The following GRAMD1A variants were observed in gnomAD, a reference collection of about 807,000 sequenced individuals.
The protein encoded by GRAMD1A is protein Aster-A.
Under a neutral mutation model 92.0 loss-of-function variants are expected in GRAMD1A, and 50 were observed. That is an observed-to-expected ratio of 0.54 (90% CI 0.43 to 0.69). GRAMD1A has a LOEUF of 0.69. GRAMD1A is among the 30% of genes least tolerant of loss of function. GRAMD1A has a pLI of 0.00. For synonymous variants in GRAMD1A, 405 were observed against 403.6 expected, an observed-to-expected ratio of 1.00 and a Z score of -0.04; for missense variants, 819 against 978.9, an observed-to-expected ratio of 0.84 and a Z score of 2.18.
upstream of GRAMD1A, among the ~76,000 whole-genome samples, chr19:34,995,570 G>GTTTTTTTTTTTTTTT (rs1173583059): frequency 1.1e-4 from 9 of 80,980 alleles, 3 homozygotes; most frequent in South Asian, 1.1e-3. Context: ...TCAGATCACG[G>GTTTTTTTTTTTTTTT]GTTTTTTTTT....
intron 10 of GRAMD1A, chr19:35,014,598 C>T (rs376632743): frequency 1.5e-5 from 9 of 591,626 alleles, no homozygotes; most frequent in South Asian, 2.0e-5. Context: ...CAGCTTGCCG[C>T]GGTTCACATC....
At chr19:35,024,303 T>C (rs2016288391) in intron 19 of GRAMD1A, among the ~76,000 whole-genome samples, 1 of 152,252 alleles carries the variant, frequency 6.6e-6, no homozygotes, top group Admixed American at 6.5e-5. Flanking sequence ...GGATGTGGGC[T>C]GGCTGTCCTG....
chr19:35,011,462 T>C lies in GRAMD1A; in HGVS notation c.526-12T>C, dbSNP rs372241421. 290 of 1,601,414 alleles carry C rather than the reference T, an allele frequency of 1.8e-4. 1 individual carries two copies. In the African/African-American group the frequency reaches 3.6e-3, roughly 20 times the overall value. On this transcript the variant is annotated splice_polypyrimidine_tract_variant and intron_variant, in intron 6 of 19. Coordinates refer to ENST00000317991, the MANE Select transcript of GRAMD1A (RefSeq NM_020895.5). ...ACCTGCTCACACCTCTCTCTCTCTC[T>C]CTCCCTGACAGCATTTCTTCACTTC...
intron 1 of GRAMD1A, chr19:35,005,959 A>G (rs944598425): frequency 2.2e-6 from 1 of 456,258 alleles, no homozygotes; most frequent in Non-Finnish European, 4.4e-6. Flanking sequence ...GAGTTGCCCC[A>G]GGTGGTGGAG....
Position 35,013,475 on chromosome 19 carries a change from G to C in GRAMD1A, c.720-66G>C. On this transcript the variant is annotated intron_variant, in intron 8 of 19. Coordinates refer to ENST00000317991, the MANE Select transcript of GRAMD1A (RefSeq NM_020895.5). The surrounding 1 kb of genome is among the most constrained non-coding windows in gnomAD (Gnocchi z 4.9). ...GCCTGAGATGGTTGTATGACGTCTG[G>C]AGGATTCAGGAGGGTGTATGGGGTC... is the stretch of plus-strand genomic sequence containing the variant. The C allele has an allele frequency of 6.4e-7, 1 of 1,553,100 alleles. No individual in the cohort carries two copies. The highest frequency in any genetic ancestry group is 8.8e-7 in the Non-Finnish European group (1 of 1,132,792).
intron 1 of GRAMD1A, chr19:35,002,295 C>T (rs978498807): frequency 6.6e-6 from 1 of 152,444 alleles, no homozygotes; most frequent in Non-Finnish European, 1.5e-5. Flanking sequence ...GATCCACGCC[C>T]TGCTCGGCTG....
intron 10 of GRAMD1A, chr19:35,015,615 G>C (rs1259351027): frequency 1.9e-6 from 1 of 533,176 alleles, no homozygotes; most frequent in Non-Finnish European, 3.3e-6. Context: ...CCAGAACCAA[G>C]CACAGTGGCT....
upstream of GRAMD1A, chr19:34,996,242 C>T (rs995118423): frequency 1.4e-5 from 22 of 1,535,542 alleles, no homozygotes; most frequent in South Asian, 2.4e-5. Flanking sequence ...AACCCCCCGA[C>T]GCCGGCAGCA....
chr19:35,002,775 C>T (rs1428670354), intron 1 of GRAMD1A: 1 of 152,486 alleles, frequency 6.6e-6, no homozygotes, highest in Non-Finnish European at 1.5e-5. Flanking sequence ...ACGGGAACAA[C>T]TCAGTGGGGA....
Position 35,014,254 on chromosome 19 carries a change from C to G in GRAMD1A, c.936C>G (p.Thr312=). ...ACGCCTCCTCCAGCCAGACAGTGAC[C>G]CCGGTGGCTGAACCCCCGAGCACAG... is the stretch of plus-strand genomic sequence containing the variant. ...QPDASSSQTV[T]PVAEPPSTEP... Residue 312 remains threonine, a synonymous_variant, in exon 10 of 20, where the codon ACC becomes ACG. Transcript: ENST00000317991. 3 of 1,614,140 alleles carry G rather than the reference C, an allele frequency of 1.9e-6. No homozygotes were observed. The highest frequency in any genetic ancestry group is 1.7e-6 in the Non-Finnish European group (2 of 1,179,994).
rs779578414 is a variant in GRAMD1A, at chr19:35,021,747, C to T, written c.1636C>T (p.Arg546Trp). 1.5e-5 allele frequency: 24 copies of T among 1,613,770 alleles called. No individual in the cohort carries two copies. The highest frequency in any genetic ancestry group is 1.6e-4 in the Middle Eastern group (1 of 6,062). ...LSLEEGGKDA[R>W]GLLSGLRRRK... is the part of the protein sequence containing the mutation. ...TCTGGAGGAAGGCGGGAAGGATGCC[C>T]GGGGCTTGCTATCCGGCCTGCGGCG... The change falls in exon 15 of 20, where the codon CGG becomes TGG. Residue 546 changes from arginine to tryptophan, a missense_variant. Arg to Trp is a moderately radical substitution (Grantham distance 101). This residue lies in a region of GRAMD1A where 577 missense variants were observed against 674.6 expected (regional missense o/e 0.86). Transcript: ENST00000317991. This position sits in a 1 kb window ranked among gnomAD's most constrained non-coding sequence, Gnocchi z 5.3.
intron 17 of GRAMD1A, 25 bp downstream of exon 17, chr19:35,022,936 C>A: frequency 1.4e-6 from 2 of 1,434,690 alleles, no homozygotes; most frequent in East Asian, 2.5e-5. Context: ...CCTCCCCCTG[C>A]CCTCCCCTCC....
chr19:35,011,303 G>C (rs2015218826), intron 6 of GRAMD1A, among the ~76,000 whole-genome samples, 171 bp from the exon 7 acceptor site: 1 of 152,150 alleles, frequency 6.6e-6, no homozygotes, highest in African/African-American at 2.4e-5. Flanking sequence ...GAATTGTCCA[G>C]GGCAGGGCCG....
chr19:35,021,995 C>G lies in GRAMD1A; in HGVS notation c.1798C>G (p.Pro600Ala), dbSNP rs2016096777. The G allele has an allele frequency of 1.2e-6, 2 of 1,614,108 alleles. No homozygotes were observed. The highest frequency in any genetic ancestry group is 1.7e-5 in the Admixed American group (1 of 60,016). ...RFSEPSVDQG[P>A]GAGIPSALVL... is the part of the protein sequence containing the mutation. ...CTCCGAACCATCTGTGGACCAGGGC[C>G]CCGGGGCAGGCATCCCCAGTGCCCT... Residue 600 changes from proline (P) to alanine (A), a missense_variant, in exon 16 of 20, where the codon CCC (proline) becomes GCC (alanine). By Grantham distance (27) the Pro-to-Ala change is conservative. Coordinates refer to ENST00000317991, the MANE Select transcript of GRAMD1A (RefSeq NM_020895.5). This position sits in a 1 kb window ranked among gnomAD's most constrained non-coding sequence, Gnocchi z 5.3.
In GRAMD1A at chr19:35,021,704, C is replaced by G; in HGVS notation, c.1593C>G (p.Ala531=). The change falls in exon 15 of 20, where the codon GCC becomes GCG. Residue 531 remains alanine (A), a synonymous_variant. Coordinates refer to ENST00000317991, the MANE Select transcript of GRAMD1A (RefSeq NM_020895.5). This position sits in a 1 kb window ranked among gnomAD's most constrained non-coding sequence, Gnocchi z 5.3. ...DYFHHLEREL[A]KAEKLSLEEG... is the part of the protein sequence containing the mutation. ...TCTTTTACGCAGAGCGAGAGCTCGC[C>G]AAGGCTGAGAAGCTGTCTCTGGAGG... 6.2e-7 allele frequency: 1 copy of G among 1,614,062 alleles called. No homozygotes were observed. The highest frequency in any genetic ancestry group is 8.5e-7 in the Non-Finnish European group (1 of 1,180,006).
At chr19:35,012,216 C>T (rs1177935642) in intron 7 of GRAMD1A, among the ~76,000 whole-genome samples, 3 of 152,216 alleles carry the variant, frequency 2.0e-5, no homozygotes. Flanking sequence ...CCCCCTCTGC[C>T]CCCCGGCTGT....
upstream of GRAMD1A, among the ~76,000 whole-genome samples, chr19:34,999,205 G>A (rs79018908): frequency 6.6e-6 from 1 of 152,112 alleles, no homozygotes; most frequent in Non-Finnish European, 1.5e-5. Context: ...GATTTTATAC[G>A]TGGAGCCCAC....
At chr19:35,016,193 G>T (rs1236361239) in intron 11 of GRAMD1A, among the ~76,000 whole-genome samples, 1 of 152,202 alleles carries the variant, frequency 6.6e-6, no homozygotes, top group African/African-American at 2.4e-5. Context: ...TATAATGGGG[G>T]TATGATAATA....
chr19:34,995,570 G>GTTTTTTTTTTTTTTTTT (rs1173583059), upstream of GRAMD1A, among the ~76,000 whole-genome samples: 4 of 80,956 alleles, frequency 4.9e-5, 1 homozygote, highest in African/African-American at 1.4e-4. Context: ...TCAGATCACG[G>GTTTTTTTTTTTTTTTTT]GTTTTTTTTT....
Sources: gnomAD v4.1 joint callset for allele counts (sites outside exome capture counted in the v4.1 genomes callset) on GRCh38, gnomAD v4.1.1 for gene constraint, gnomAD v4.1.1 regional missense constraint, Gnocchi (gnomAD v3.1) non-coding constraint, MANE v1.5 for transcripts, NCBI Gene and HGNC (gene_info 2026-07-23, HGNC 2026-07-21) for gene names.